MLXIPL: variants seen among roughly 807,000 people sequenced by gnomAD.
The protein encoded by MLXIPL is carbohydrate-responsive element-binding protein.
MLXIPL carries 49 observed loss-of-function variants against 81.5 expected under a neutral mutation model. The observed-to-expected ratio is 0.60, with a 90% confidence interval of 0.48 to 0.76. The LOEUF (loss-of-function observed/expected upper bound fraction) is 0.76, where lower values mean the gene tolerates loss of function less well. Among genes scored for constraint, MLXIPL ranks in the 30% least tolerant of loss-of-function variants. The pLI is 0.00. For synonymous variants in MLXIPL, 466 were observed against 485.5 expected, an observed-to-expected ratio of 0.96 and a Z score of 0.53; for missense variants, 1,053 against 1,167.0, an observed-to-expected ratio of 0.90 and a Z score of 1.42.
chr7:73,594,308 C>G lies in MLXIPL; in HGVS notation c.2406G>C (p.Leu802=). The G allele has an allele frequency of 6.2e-7, 1 of 1,612,124 alleles. No homozygotes were observed. The highest frequency in any genetic ancestry group is 8.5e-7 in the Non-Finnish European group (1 of 1,179,998). The change falls in exon 16 of 17, where the codon CTG becomes CTC. Residue 802 remains leucine (L), a synonymous_variant. Transcript: ENST00000313375. ...GAGCGGGCAGAGAGCAGTACTGGTC[C>G]AGCCAGGCCAGTGAGGTCTGGCGGA... is the stretch of plus-strand genomic sequence containing the variant. ...HTLRQTSLAW[L]DQYCSLPALR... is the part of the protein sequence containing the mutation.
At chr7:73,612,557 G>A (rs933020371) in intron 2 of MLXIPL, among the ~76,000 whole-genome samples, 5 of 151,202 alleles carry the variant, frequency 3.3e-5, no homozygotes, top group Non-Finnish European at 7.4e-5. Flanking sequence ...CAGGAGAATC[G>A]CTTGAACCCC....
the MLXIPL span, among the ~76,000 whole-genome samples, chr7:73,638,804 G>A: frequency 6.6e-6 from 1 of 151,794 alleles, no homozygotes; most frequent in African/African-American, 2.4e-5. Flanking sequence ...TGTATTTTTA[G>A]TAGAGACAGG....
intron 2 of MLXIPL, chr7:73,610,372 C>T (rs1473097777): frequency 6.6e-6 from 1 of 152,208 alleles, no homozygotes; most frequent in African/African-American, 2.4e-5. Flanking sequence ...CCATGGCTCC[C>T]TACTACCTCT....
intron 1 of MLXIPL, among the ~76,000 whole-genome samples, chr7:73,618,953 C>A (rs1796155835): frequency 6.6e-6 from 1 of 152,188 alleles, no homozygotes; most frequent in South Asian, 2.1e-4. Context: ...AATATCCAAG[C>A]CCAGGAGGAA....
rs570308879 is a variant in MLXIPL at position 73,623,662 on chromosome 7, T to A, written c.293+538A>T. 6.6e-6 allele frequency among the ~76,000 whole-genome samples: 1 copy of A among 151,968 alleles called. No homozygotes were observed. The highest frequency in any genetic ancestry group is 2.4e-5 in the African/African-American group (1 of 41,444). On this transcript the variant is annotated intron_variant, in intron 1 of 16. Transcript: ENST00000313375. The surrounding 1 kb of genome is among the most constrained non-coding windows in gnomAD (Gnocchi z 5.7). ...CTCAGCAATTGCGGGGAGGTGGACG[T>A]GAGAGTGGGCCAGTTCCAGTCCACT... is the stretch of plus-strand genomic sequence containing the variant.
chr7:73,627,042 C>T (rs1490584429), upstream of MLXIPL, among the ~76,000 whole-genome samples: 1 of 152,134 alleles, frequency 6.6e-6, no homozygotes, highest in African/African-American at 2.4e-5. Context: ...CTCCCTTGGC[C>T]GGGTATCTTC....
intron 2 of MLXIPL, among the ~76,000 whole-genome samples, chr7:73,614,401 T>C (rs1213556082): frequency 2.0e-5 from 3 of 152,106 alleles, no homozygotes; most frequent in African/African-American, 7.2e-5. Context: ...TCTCCCAGGG[T>C]TGCTAGGAAG....
intron 5 of MLXIPL, chr7:73,606,718 G>C: frequency 2.0e-6 from 1 of 497,524 alleles, no homozygotes; most frequent in Non-Finnish European, 3.7e-6. Context: ...GAGCCACCAC[G>C]CCCGGCCTGG....
rs537595924 is a variant in MLXIPL, at chr7:73,619,940, C to CAAAAA, written c.294-3764_294-3763insTTTTT. On this transcript the variant is annotated intron_variant, in intron 1 of 16. Coordinates refer to ENST00000313375, the MANE Select transcript of MLXIPL (RefSeq NM_032951.3). ...GCAAGACTCCGTCTCAAAAAACAAA[C>CAAAAA]AAACAAAACAAAACAAAACAAAAAC... Among the ~76,000 whole-genome samples the CAAAAA allele has an allele frequency of 1.9e-4, 29 of 151,942 alleles. No homozygotes were observed. In the South Asian group the frequency reaches 2.7e-3, roughly 14 times the overall value.
chr7:73,612,532 C>T (rs540341576), intron 2 of MLXIPL, among the ~76,000 whole-genome samples: 295 of 151,782 alleles, frequency 1.9e-3, no homozygotes, highest in African/African-American at 6.5e-3. Flanking sequence ...GTCCCAGCTA[C>T]TCAGGAGGGT....
At chr7:73,624,149 C>A (rs782715127) in intron 1 of MLXIPL, 51 bp downstream of exon 1, 23 of 1,474,250 alleles carry the variant, frequency 1.6e-5, no homozygotes, top group East Asian at 1.0e-4. Flanking sequence ...CGGACCCCCC[C>A]CCCATCCCCA....
chr7:73,630,887 TG>T, the MLXIPL span, among the ~76,000 whole-genome samples: 3 of 152,208 alleles, frequency 2.0e-5, no homozygotes, highest in Admixed American at 1.3e-4. Flanking sequence ...TGCACACATG[TG>T]CACCAAAACA....
In MLXIPL at chr7:73,597,546, A is replaced by C; in HGVS notation, c.1239T>G (p.Pro413=). 1 of 938,940 alleles carries C rather than the reference A, an allele frequency of 1.1e-6. No homozygotes were observed. Among genetic ancestry groups the C allele is most frequent in the Non-Finnish European group, 1.2e-6 (1 of 802,102 alleles). The allele number at this position is 938,940 out of a possible 1,614,324, so 58.2% of individuals were successfully genotyped here. The part of the protein sequence containing the change: ...KVPGLEPCPP[P]PFPPMAPPTA... The stretch of plus-strand genomic sequence containing the variant: ...TGGGTGGTGCCATGGGAGGGAAGGG[A>C]GGTGGGGGGCAGGGCTCCAGGCCTG... Residue 413 remains proline, a synonymous_variant, in exon 9 of 17, where the codon CCT becomes CCG. Coordinates refer to ENST00000313375, the MANE Select transcript of MLXIPL (RefSeq NM_032951.3).
upstream of MLXIPL, among the ~76,000 whole-genome samples, chr7:73,629,052 T>C (rs561080274): frequency 8.6e-5 from 13 of 151,838 alleles, no homozygotes; most frequent in African/African-American, 2.7e-4. Context: ...CTTTTCTTTT[T>C]TTTTTTTTGA....
chr7:73,617,514 A>G (rs1796074405), intron 1 of MLXIPL, among the ~76,000 whole-genome samples: 1 of 152,064 alleles, frequency 6.6e-6, no homozygotes, highest in South Asian at 2.1e-4. Flanking sequence ...ATTCATGGAG[A>G]CAGAGCACCC....
intron 5 of MLXIPL, 165 bp downstream of exon 5, chr7:73,606,809 G>T: frequency 2.6e-6 from 2 of 781,624 alleles, no homozygotes; most frequent in South Asian, 1.6e-5. Context: ...CCCCCAAGAA[G>T]AGAAGAGCTC....
At chr7:73,608,430 T>C (rs1362090709) in intron 2 of MLXIPL, among the ~76,000 whole-genome samples, 4 of 151,848 alleles carry the variant, frequency 2.6e-5, no homozygotes, top group African/African-American at 9.7e-5. Context: ...CCACTAAAAA[T>C]ACAAAAATTA....
At chr7:73,641,389 C>T in the MLXIPL span, among the ~76,000 whole-genome samples, 4 of 152,150 alleles carry the variant, frequency 2.6e-5, no homozygotes, top group Non-Finnish European at 5.9e-5. Flanking sequence ...AGGAATTCAC[C>T]TAGCCTCTTG....
upstream of MLXIPL, among the ~76,000 whole-genome samples, chr7:73,624,838 G>A (rs1796639768): frequency 6.6e-6 from 1 of 152,078 alleles, no homozygotes; most frequent in Non-Finnish European, 1.5e-5. Flanking sequence ...CGGGAGGATG[G>A]CTTGAGGTCA....
Sources: gnomAD v4.1 joint callset for allele counts (sites outside exome capture counted in the v4.1 genomes callset) on GRCh38, gnomAD v4.1.1 for gene constraint, Gnocchi (gnomAD v3.1) non-coding constraint, MANE v1.5 for transcripts, NCBI Gene and HGNC (gene_info 2026-07-23, HGNC 2026-07-21) for gene names.